COTL1: variants seen among roughly 807,000 people sequenced by gnomAD.
COTL1 encodes coactosin like F-actin binding protein 1, also known as coactosin-like protein.
Under a neutral mutation model 16.5 loss-of-function variants are expected in COTL1, and 15 were observed. The observed-to-expected ratio is 0.91, with a 90% CI of 0.61 to 1.40. The LOEUF (loss-of-function observed/expected upper bound fraction) is 1.40. COTL1 is among the 40% of genes most tolerant of loss of function. The probability of loss-of-function intolerance (pLI) is 0.00; values close to 1 mark genes in which losing one functional copy is unlikely to be tolerated. For missense variants in COTL1, 220 were observed against 201.5 expected, an observed-to-expected ratio of 1.09 and a Z score of -0.56; for synonymous variants, 112 against 85.3, an observed-to-expected ratio of 1.31 and a Z score of -1.73.
At chr16:84,586,508 G>A (rs948938456) in intron 3 of COTL1, among the ~76,000 whole-genome samples, 7 of 152,212 alleles carry the variant, frequency 4.6e-5, no homozygotes, top group Admixed American at 3.3e-4. Context: ...AGACAGCAGT[G>A]ATGGCTACAC....
At chr16:84,578,284 C>T (rs1447494504) in intron 3 of COTL1, among the ~76,000 whole-genome samples, 1 of 152,152 alleles carries the variant, frequency 6.6e-6, no homozygotes, top group African/African-American at 2.4e-5. Context: ...AAAGAAATAA[C>T]AGAATTTTTA....
chr16:84,566,711 G>A lies in COTL1; in HGVS notation c.*134C>T. ...CGGGAAGGTGGGGGCTGTGGACACAGGGTGGCGGGCGCTGCCTCTCATGGC... is the reference window on the plus strand; with the variant it reads ...CGGGAAGGTGGGGGCTGTGGACACAAGGTGGCGGGCGCTGCCTCTCATGGC... On this transcript the variant is annotated 3_prime_UTR_variant, in exon 4 of 4. Transcript: ENST00000262428. 2 of 622,152 alleles carry A rather than the reference G, an allele frequency of 3.2e-6. No individual in the cohort carries two copies. The highest frequency in any genetic ancestry group is 5.8e-6 in the Non-Finnish European group (2 of 347,524). The allele number at this position is 622,152 out of a possible 1,614,324, so 38.5% of individuals were successfully genotyped here.
At chr16:84,592,599 A>AC (rs58801395) in intron 2 of COTL1, among the ~76,000 whole-genome samples, 2 of 530 alleles carry the variant, frequency 3.8e-3, no homozygotes, top group African/African-American at 6.2e-3. Flanking sequence ...ACACTGAGTT[A>AC]AAAAAAAAAA....
intron 2 of COTL1, among the ~76,000 whole-genome samples, chr16:84,599,927 G>A (rs1298236618): frequency 6.6e-6 from 1 of 152,228 alleles, no homozygotes; most frequent in African/African-American, 2.4e-5. Flanking sequence ...CTTCTAGCAG[G>A]CTGCTAAGGG....
At chr16:84,588,934 T>C (rs573299939) in intron 3 of COTL1, among the ~76,000 whole-genome samples, 1 of 152,290 alleles carries the variant, frequency 6.6e-6, no homozygotes, top group African/African-American at 2.4e-5. Context: ...TGTCTTTAGC[T>C]ATCACCCACT....
Position 84,565,974 on chromosome 16 carries a change from TC to T in COTL1, c.*870del, listed in dbSNP as rs1904296590. 3.3e-5 allele frequency: 5 copies of T among 152,330 alleles called. No individual in the cohort carries two copies. Among genetic ancestry groups the T allele is most frequent in the Non-Finnish European group, 7.3e-5 (5 of 68,060 alleles). The allele number at this position is 152,330 out of a possible 1,614,324, so 9.4% of individuals were successfully genotyped here. Reference sequence around the variant, plus strand: ...GATCCGTTCCCAGCTCTCCTTAAATTCCCAGTCCCCACCCTGGGCCTCTCTC... The same window carrying T: ...GATCCGTTCCCAGCTCTCCTTAAATTCCAGTCCCCACCCTGGGCCTCTCTC... On this transcript the variant is annotated 3_prime_UTR_variant, in exon 4 of 4. Coordinates refer to ENST00000262428, the MANE Select transcript of COTL1 (RefSeq NM_021149.5).
chr16:84,591,790 C>T (rs1322612988), intron 2 of COTL1, among the ~76,000 whole-genome samples: 2 of 147,800 alleles, frequency 1.4e-5, no homozygotes, highest in African/African-American at 5.1e-5. Flanking sequence ...CGCCACTGTA[C>T]TCCAGCCTGG....
intron 1 of COTL1, 96 bp from the exon 2 acceptor site, chr16:84,617,679 C>T: frequency 7.0e-7 from 1 of 1,420,320 alleles, no homozygotes; most frequent in Non-Finnish European, 9.7e-7. Flanking sequence ...GACGCGCTGG[C>T]CACGGAGAAG....
chr16:84,583,163 T>C lies in COTL1; in HGVS notation c.318+6942A>G, dbSNP rs1329516653. Reference sequence around the variant, plus strand: ...GAGCCCACAGCCTGGATTCCAGGCATAGCTTTGCCATGTCCAAGCACCCGG... The same window carrying C: ...GAGCCCACAGCCTGGATTCCAGGCACAGCTTTGCCATGTCCAAGCACCCGG... On this transcript the variant is annotated intron_variant, in intron 3 of 3. Coordinates refer to ENST00000262428, the MANE Select transcript of COTL1 (RefSeq NM_021149.5). 2.6e-5 allele frequency among the ~76,000 whole-genome samples: 4 copies of C among 152,204 alleles called. No homozygotes were observed. In the South Asian group the frequency reaches 6.2e-4, roughly 24 times the overall value.
chr16:84,567,037 A>C, intron 3 of COTL1, 82 bp from the exon 4 acceptor site: 1 of 932,762 alleles, frequency 1.1e-6, no homozygotes, highest in Non-Finnish European at 1.8e-6. Context: ...ACACACTGGG[A>C]AGCAAAGCAC....
chr16:84,581,146 C>T (rs201533928), intron 3 of COTL1, among the ~76,000 whole-genome samples: 1 of 23,274 alleles, frequency 4.3e-5, no homozygotes, highest in Non-Finnish European at 1.4e-4. Flanking sequence ...CATCTAAAAA[C>T]AAACAAACAA....
intron 2 of COTL1, among the ~76,000 whole-genome samples, chr16:84,609,004 C>A (rs1202485599): frequency 3.3e-5 from 5 of 152,182 alleles, no homozygotes; most frequent in Non-Finnish European, 7.3e-5. Flanking sequence ...CTGTTCAGCA[C>A]TTTATAACTG....
chr16:84,617,981 G>A lies in COTL1; in HGVS notation c.-67C>T. ...CGCGCCCCTGGCCGGCGGCGGGGAT[G>A]GGAGCGCGGCGGGTACGCGCCGAGG... is the stretch of plus-strand genomic sequence containing the variant. On this transcript the variant is annotated 5_prime_UTR_variant, in exon 1 of 4. Transcript: ENST00000262428. 8.2e-7 allele frequency: 1 copy of A among 1,220,640 alleles called. No individual in the cohort carries two copies. Among genetic ancestry groups the A allele is most frequent in the East Asian group, 3.3e-5 (1 of 29,898 alleles). 75.6% of individuals were successfully genotyped at this position (1,220,640 alleles called of 1,614,324 possible). A position where few individuals can be genotyped will look rare whatever the true frequency, so the allele number is the denominator to read the frequency against.
chr16:84,603,700 G>C (rs1032695663), intron 2 of COTL1, among the ~76,000 whole-genome samples: 1 of 152,110 alleles, frequency 6.6e-6, no homozygotes, highest in African/African-American at 2.4e-5. Context: ...GGGAGAGGCA[G>C]GGCTGTGCTC....
chr16:84,606,756 G>A (rs74721550), intron 2 of COTL1, among the ~76,000 whole-genome samples: 2,249 of 152,256 alleles, frequency 0.015, 48 homozygotes, highest in African/African-American at 0.051. Context: ...GATAAGAGTC[G>A]GTGGCTACGT....
intron 3 of COTL1, among the ~76,000 whole-genome samples, chr16:84,583,784 G>C (rs138404626): frequency 6.2e-4 from 95 of 152,234 alleles, no homozygotes; most frequent in Non-Finnish European, 1.3e-3. Flanking sequence ...GAAGCTATCA[G>C]AATAGACTCC....
chr16:84,591,496 T>C, intron 2 of COTL1, among the ~76,000 whole-genome samples: 1 of 151,018 alleles, frequency 6.6e-6, no homozygotes, highest in Non-Finnish European at 1.5e-5. Context: ...ATTTTTTGAA[T>C]TTTTAAAGTG....
chr16:84,605,355 G>C (rs1433767357), intron 2 of COTL1, among the ~76,000 whole-genome samples: 1 of 152,216 alleles, frequency 6.6e-6, no homozygotes, highest in African/African-American at 2.4e-5. Context: ...CCGCGATGCT[G>C]GGTCACTGGG....
Position 84,566,892 on chromosome 16 carries a change from C to T in COTL1, c.382G>A (p.Glu128Lys). Residue 128 changes from glutamate to lysine, a missense_variant, in exon 4 of 4, where the codon GAG becomes AAG. Transcript: ENST00000262428. ...KELEEDFIKS[E>K]LKKAGGANYD... The stretch of plus-strand genomic sequence containing the variant: ...TTGGCTCCCCCCGCCTTCTTCAGCT[C>T]GCTCTTGATGAAATCTTCCTCCAGC... The T allele has an allele frequency of 1.9e-6, 3 of 1,614,058 alleles. No homozygotes were observed. The highest frequency in any genetic ancestry group is 2.2e-5 in the East Asian group (1 of 44,868).
Sources: allele counts gnomAD v4.1 joint callset (sites outside exome capture counted in the v4.1 genomes callset), GRCh38; gene constraint gnomAD v4.1.1; transcripts MANE v1.5; gene names NCBI Gene and HGNC (gene_info 2026-07-23, HGNC 2026-07-21).